SORCS2: variants seen among roughly 807,000 people sequenced by gnomAD.
The protein encoded by SORCS2 is VPS10 domain-containing receptor SorCS2.
Under a neutral mutation model 141.6 loss-of-function variants are expected in SORCS2, and 100 were observed. The observed-to-expected ratio is 0.71, with a 90% CI of 0.60 to 0.83. The LOEUF (loss-of-function observed/expected upper bound fraction) is 0.83, where lower values mean the gene tolerates loss of function less well. Ranked by LOEUF, SORCS2 falls within the 40% of genes least tolerant of loss-of-function variation. SORCS2 has a pLI of 0.00. For missense variants in SORCS2, 1,646 were observed against 1,560.2 expected (o/e 1.05, Z -0.93); for synonymous variants, 789 against 676.9 (o/e 1.17, Z -2.57).
At chr4:7,521,740 C>G (rs1182307268) in intron 2 of SORCS2, among the ~76,000 whole-genome samples, 2 of 152,340 alleles carry the variant, frequency 1.3e-5, no homozygotes, top group African/African-American at 4.8e-5. Flanking sequence ...GGGCAAGTCC[C>G]TTTCCCACTG....
At chr4:7,462,210 C>T (rs1345728735) in intron 2 of SORCS2, among the ~76,000 whole-genome samples, 5 of 152,182 alleles carry the variant, frequency 3.3e-5, no homozygotes, top group East Asian at 1.9e-4. Flanking sequence ...CTCTCCTGCC[C>T]GGTGCTTCAC....
chr4:7,693,741 GGAAC>G (rs1560488221), intron 11 of SORCS2, among the ~76,000 whole-genome samples: 1 of 152,240 alleles, frequency 6.6e-6, no homozygotes, highest in Non-Finnish European at 1.5e-5. Flanking sequence ...CTTGACTCAG[GGAAC>G]TGAGTCTCAG....
chr4:7,688,678 T>A (rs1724022276), intron 10 of SORCS2, among the ~76,000 whole-genome samples: 1 of 151,504 alleles, frequency 6.6e-6, no homozygotes, highest in African/African-American at 2.4e-5. Flanking sequence ...AGGATTGCGC[T>A]GCCTCACTTC....
At chr4:7,600,928 C>T (rs1000293614) in intron 3 of SORCS2, among the ~76,000 whole-genome samples, 2 of 152,128 alleles carry the variant, frequency 1.3e-5, no homozygotes, top group African/African-American at 4.8e-5. Flanking sequence ...ATTAACAGCC[C>T]AGGCTGGTGG....
At chr4:7,308,076 C>T (rs1477923204) in intron 1 of SORCS2, among the ~76,000 whole-genome samples, 1 of 152,134 alleles carries the variant, frequency 6.6e-6, no homozygotes, top group Non-Finnish European at 1.5e-5. Context: ...GTTTGTGCTG[C>T]TGGCATAGTC....
chr4:7,720,082 C>G (rs542731022), intron 18 of SORCS2, among the ~76,000 whole-genome samples: 2 of 152,264 alleles, frequency 1.3e-5, no homozygotes, highest in East Asian at 3.9e-4. Flanking sequence ...TGCTTACACG[C>G]TCATGTATTC....
At chr4:7,630,851 G>C (rs1341428690) in intron 3 of SORCS2, among the ~76,000 whole-genome samples, 1 of 152,046 alleles carries the variant, frequency 6.6e-6, no homozygotes, top group Non-Finnish European at 1.5e-5. Flanking sequence ...GAGTAGACTG[G>C]GCAATTGGGT....
chr4:7,610,078 C>G (rs534017226), intron 3 of SORCS2, among the ~76,000 whole-genome samples: 70 of 152,296 alleles, frequency 4.6e-4, no homozygotes, highest in Admixed American at 7.8e-4. Flanking sequence ...ACCTTGGGGC[C>G]CCCAGACTAA....
At chr4:7,466,609 C>T (rs567383430) in intron 2 of SORCS2, among the ~76,000 whole-genome samples, 19 of 152,272 alleles carry the variant, frequency 1.2e-4, no homozygotes, top group Middle Eastern at 3.4e-3. Context: ...CCTGGAAACA[C>T]GGGGTCCTGT....
intron 8 of SORCS2, among the ~76,000 whole-genome samples, chr4:7,669,931 T>C (rs1722701113): frequency 6.6e-6 from 1 of 152,268 alleles, no homozygotes; most frequent in African/African-American, 2.4e-5. Flanking sequence ...GTGTACCTTG[T>C]TGAGCTAAGC....
intron 8 of SORCS2, among the ~76,000 whole-genome samples, chr4:7,673,196 A>C (rs76349794): frequency 0.054 from 8,243 of 152,326 alleles, 727 homozygotes; most frequent in African/African-American, 0.19. Context: ...ATAAAACGAA[A>C]TACGTGCCCT....
intron 1 of SORCS2, among the ~76,000 whole-genome samples, chr4:7,226,312 G>T (rs1728988262): frequency 6.6e-6 from 1 of 152,230 alleles, no homozygotes; most frequent in African/African-American, 2.4e-5. Context: ...CCAAGGAGCA[G>T]AGCCTGGATT....
intron 3 of SORCS2, among the ~76,000 whole-genome samples, chr4:7,607,834 T>TCAGCCCC (rs1157588822): frequency 2.6e-5 from 4 of 151,978 alleles, no homozygotes; most frequent in Non-Finnish European, 2.9e-5. Flanking sequence ...TAGGTGCTCC[T>TCAGCCCC]CAGCCCCCAG....
chr4:7,667,117 C>T lies in SORCS2; in HGVS notation c.1072-7C>T, dbSNP rs779102120. The T allele has an allele frequency of 1.1e-5, 17 of 1,609,618 alleles. No individual in the cohort carries two copies. Among genetic ancestry groups the T allele is most frequent in the Middle Eastern group, 1.6e-4 (1 of 6,070 alleles). On this transcript the variant is annotated splice_region_variant and splice_polypyrimidine_tract_variant and intron_variant, in intron 7 of 26. Coordinates refer to ENST00000507866, the MANE Select transcript of SORCS2 (RefSeq NM_020777.3). ...CCTCTCAAAAATGTGTTTCTTCCCCCGGTTAGGCAACATCAGCAAACCAGA... is the reference window on the plus strand; with the variant it reads ...CCTCTCAAAAATGTGTTTCTTCCCCTGGTTAGGCAACATCAGCAAACCAGA...
intron 1 of SORCS2, among the ~76,000 whole-genome samples, chr4:7,255,665 G>A (rs1353730550): frequency 6.6e-6 from 1 of 152,186 alleles, no homozygotes; most frequent in African/African-American, 2.4e-5. Context: ...CCGGCTCCTG[G>A]GGAGCTTCTG....
intron 2 of SORCS2, among the ~76,000 whole-genome samples, chr4:7,467,798 G>A (rs924180672): frequency 2.6e-5 from 4 of 152,228 alleles, no homozygotes; most frequent in Admixed American, 1.3e-4. Context: ...TGTGGCTCCC[G>A]GAGCCGGTCC....
intron 2 of SORCS2, among the ~76,000 whole-genome samples, chr4:7,417,454 G>A (rs1386731423): frequency 1.3e-5 from 2 of 152,182 alleles, no homozygotes; most frequent in East Asian, 3.9e-4. Flanking sequence ...TAGCTTGGGG[G>A]TAGAAGCTAG....
intron 3 of SORCS2, among the ~76,000 whole-genome samples, chr4:7,583,711 G>C (rs528140605): frequency 2.6e-5 from 4 of 152,288 alleles, no homozygotes; most frequent in Non-Finnish European, 5.9e-5. Context: ...CCATGATTGT[G>C]AGGCTTCCCC....
intron 2 of SORCS2, among the ~76,000 whole-genome samples, chr4:7,447,588 G>T (rs941062924): frequency 4.0e-5 from 6 of 151,792 alleles, no homozygotes; most frequent in African/African-American, 1.4e-4. Flanking sequence ...TTTGCAGGGA[G>T]AGATAGATAT....
Sources: gnomAD v4.1 joint callset for allele counts (sites outside exome capture counted in the v4.1 genomes callset) on GRCh38, gnomAD v4.1.1 for gene constraint, MANE v1.5 for transcripts, NCBI Gene and HGNC (gene_info 2026-07-23, HGNC 2026-07-21) for gene names.